Variants in AFG2B observed in about 807,000 individuals in gnomAD.
The protein encoded by AFG2B is ATPase family gene 2 protein homolog B.
chr15:45,420,548 T>C, the AFG2B span, among the ~76,000 whole-genome samples: 1 of 152,206 alleles, frequency 6.6e-6, no homozygotes, highest in Non-Finnish European at 1.5e-5. Flanking sequence ...TTCCCATTAA[T>C]GTAAAGAGGT....
the AFG2B span, chr15:45,421,079 G>A: frequency 6.8e-6 from 11 of 1,612,408 alleles, no homozygotes; most frequent in African/African-American, 6.7e-5. Context: ...TGGACTAGAC[G>A]CAACTACAGT....
At chr15:45,416,209 T>C in the AFG2B span, among the ~76,000 whole-genome samples, 8 of 152,338 alleles carry the variant, frequency 5.3e-5, 1 homozygote, top group South Asian at 8.3e-4. Context: ...AAGGGTTGCT[T>C]GAGGCCAGGA....
At chr15:45,414,170 C>T in the AFG2B span, among the ~76,000 whole-genome samples, 19 of 152,250 alleles carry the variant, frequency 1.2e-4, no homozygotes, top group African/African-American at 4.6e-4. Context: ...AAGACTAACT[C>T]CAAGGAATTG....
At chr15:45,415,409 A>T in the AFG2B span, among the ~76,000 whole-genome samples, 1 of 152,020 alleles carries the variant, frequency 6.6e-6, no homozygotes, top group South Asian at 2.1e-4. Flanking sequence ...GAGGCACAAG[A>T]ATTGCTTGAG....
chr15:45,415,681 G>A, the AFG2B span: 8 of 1,614,100 alleles, frequency 5.0e-6, no homozygotes, highest in Middle Eastern at 1.6e-4. Flanking sequence ...AAGACAGGAT[G>A]TGATGTTCAA....
At chr15:45,407,088 A>G in the AFG2B span, 6 of 1,289,224 alleles carry the variant, frequency 4.7e-6, no homozygotes, top group South Asian at 7.4e-5. Flanking sequence ...CTGTCGTCCC[A>G]GGGTGGAGCC....
chr15:45,405,305 T>A, the AFG2B span: 1 of 1,604,834 alleles, frequency 6.2e-7, no homozygotes, highest in Non-Finnish European at 8.5e-7. Flanking sequence ...TTTTTTTGTT[T>A]TGCTTTGCAT....
chr15:45,410,014 A>C, the AFG2B span, among the ~76,000 whole-genome samples: 1 of 152,232 alleles, frequency 6.6e-6, no homozygotes, highest in African/African-American at 2.4e-5. Context: ...TGTCAAAAAG[A>C]ATGACGTAGA....
chr15:45,403,084 C>T, the AFG2B span: 1 of 1,527,894 alleles, frequency 6.5e-7, no homozygotes, highest in East Asian at 2.5e-5. Context: ...CCTCCGCCTC[C>T]CGCTCCGCTA....
the AFG2B span, among the ~76,000 whole-genome samples, chr15:45,404,838 A>G: frequency 6.6e-6 from 1 of 151,250 alleles, no homozygotes; most frequent in Non-Finnish European, 1.5e-5. Context: ...AAAAAAATAT[A>G]TATATGTATA....
the AFG2B span, among the ~76,000 whole-genome samples, chr15:45,415,154 A>G: frequency 2.1e-3 from 319 of 152,222 alleles, no homozygotes; most frequent in African/African-American, 7.5e-3. Context: ...TTATTTACTC[A>G]TTCCCCAATT....
At chr15:45,414,661 T>A in the AFG2B span, 36 of 1,614,090 alleles carry the variant, frequency 2.2e-5, no homozygotes, top group Non-Finnish European at 2.9e-5. Context: ...GCCCCCTGGA[T>A]GTGCTAAAAC....
At chr15:45,406,986 A>T in the AFG2B span, 1 of 1,271,038 alleles carries the variant, frequency 7.9e-7, no homozygotes, top group Non-Finnish European at 1.0e-6. Flanking sequence ...TAAGCAGGAG[A>T]TGGGAAGGGA....
At chr15:45,420,053 C>T in the AFG2B span, among the ~76,000 whole-genome samples, 1 of 138,776 alleles carries the variant, frequency 7.2e-6, no homozygotes, top group Non-Finnish European at 1.5e-5. Flanking sequence ...TCCTGACTAA[C>T]AACAGTGGGG....
chr15:45,406,897 T>G, the AFG2B span: 4 of 682,446 alleles, frequency 5.9e-6, no homozygotes, highest in South Asian at 6.1e-5. Flanking sequence ...TCTTGTAGGT[T>G]TAGACCAAAA....
chr15:45,418,503 G>A, the AFG2B span: 2 of 1,503,894 alleles, frequency 1.3e-6, no homozygotes, highest in African/African-American at 1.4e-5. Flanking sequence ...ATAAATCATT[G>A]TGTCAAACAT....
the AFG2B span, among the ~76,000 whole-genome samples, chr15:45,404,529 G>A: frequency 6.6e-6 from 1 of 152,046 alleles, no homozygotes; most frequent in African/African-American, 2.4e-5. Flanking sequence ...TATTTTGGCC[G>A]GGCGCGGTGG....
chr15:45,414,464 C>A, the AFG2B span: 1 of 1,020,118 alleles, frequency 9.8e-7, no homozygotes, highest in Non-Finnish European at 1.5e-6. Flanking sequence ...CTGTTTCCAG[C>A]TCATAATAGG....
chr15:45,405,283 ACTT>A, the AFG2B span: 79,542 of 1,583,120 alleles, frequency 0.05, 2,209 homozygotes, highest in Non-Finnish European at 0.058. Context: ...TAAACTATAT[ACTT>A]CTTCTTCTTT....
Sources: allele counts gnomAD v4.1 joint callset (sites outside exome capture counted in the v4.1 genomes callset), GRCh38; gene constraint gnomAD v4.1.1; transcripts MANE v1.5; gene names NCBI Gene and HGNC (gene_info 2026-07-23, HGNC 2026-07-21).